SP100: variants seen among roughly 807,000 people sequenced by gnomAD.
The protein encoded by SP100 is SP100 nuclear body protein.
SP100 carries 84 observed loss-of-function variants against 130.0 expected under a neutral mutation model. That is an observed-to-expected ratio of 0.65 (90% confidence interval 0.54 to 0.77). SP100 has a LOEUF of 0.77. Among genes scored for constraint, SP100 ranks in the 30% least tolerant of loss-of-function variants. The pLI is 0.00. For synonymous variants in SP100, 331 were observed against 351.7 expected (o/e 0.94, Z 0.66); for missense variants, 978 against 1,052.2 (o/e 0.93, Z 0.97).
chr2:230,480,197 T>C lies in SP100; in HGVS notation c.1600+5750T>C, dbSNP rs568272682. On this transcript the variant is annotated intron_variant, in intron 17 of 28. Transcript: ENST00000340126. ...GCAAGGACTTTGTTTTATTCACAAC[T>C]GTATCCTCAGCATCTAGGATAGTGG... Among the ~76,000 whole-genome samples the C allele has an allele frequency of 9.8e-5, 15 of 152,348 alleles. No individual in the cohort carries two copies. In the South Asian group the frequency reaches 3.1e-3, roughly 32 times the overall value.
chr2:230,542,209 TAAC>T (rs1350052783), intron 28 of SP100, among the ~76,000 whole-genome samples, 174 bp downstream of exon 28: 2 of 152,032 alleles, frequency 1.3e-5, no homozygotes, highest in Non-Finnish European at 2.9e-5. Flanking sequence ...GTGGAGAAAA[TAAC>T]AACAAACTGG....
intron 27 of SP100, 132 bp from the exon 28 acceptor site, chr2:230,541,760 C>A: frequency 1.1e-6 from 1 of 918,392 alleles, no homozygotes; most frequent in Non-Finnish European, 1.6e-6. Flanking sequence ...AAAGGTCCCA[C>A]CTCCTAGTAC....
chr2:230,460,422 A>C (rs1029426540), intron 8 of SP100, among the ~76,000 whole-genome samples: 1 of 111,816 alleles, frequency 8.9e-6, no homozygotes, highest in Non-Finnish European at 2.1e-5. Context: ...AGGTAAAGGG[A>C]GAAAGAAAGA....
chr2:230,490,837 G>GTTTC (rs1329295594), intron 17 of SP100, among the ~76,000 whole-genome samples: 1 of 152,136 alleles, frequency 6.6e-6, no homozygotes, highest in African/African-American at 2.4e-5. Flanking sequence ...GGCTTGTAGA[G>GTTTC]TTTCTGTTGA....
intron 2 of SP100, among the ~76,000 whole-genome samples, chr2:230,434,899 C>A (rs374632829): frequency 6.6e-6 from 1 of 152,332 alleles, no homozygotes; most frequent in African/African-American, 2.4e-5. Flanking sequence ...AAGGATGTAT[C>A]ATTTCAGACC....
At chr2:230,441,459 T>C (rs2063464993) in intron 2 of SP100, among the ~76,000 whole-genome samples, 1 of 152,190 alleles carries the variant, frequency 6.6e-6, no homozygotes, top group South Asian at 2.1e-4. Flanking sequence ...CAATTTTATT[T>C]ATACTAGTCT....
chr2:230,518,227 T>A (rs541171804), intron 24 of SP100, among the ~76,000 whole-genome samples: 1 of 152,220 alleles, frequency 6.6e-6, no homozygotes, highest in South Asian at 2.1e-4. Flanking sequence ...TATTGCTCCT[T>A]ATTTTAAAAC....
At chr2:230,450,584 T>C (rs1416084555) in intron 8 of SP100, among the ~76,000 whole-genome samples, 2 of 152,202 alleles carry the variant, frequency 1.3e-5, no homozygotes, top group East Asian at 3.8e-4. Context: ...GTATTTCTCT[T>C]ATTTAACTAA....
At chr2:230,518,655 AACAGTTT>A (rs1291913667) in intron 24 of SP100, among the ~76,000 whole-genome samples, 1 of 151,992 alleles carries the variant, frequency 6.6e-6, no homozygotes, top group Admixed American at 6.5e-5. Context: ...ATTTATTTTT[AACAGTTT>A]ACCTAGATTA....
At chr2:230,475,611 C>T (rs1017380361) in intron 17 of SP100, among the ~76,000 whole-genome samples, 1 of 152,108 alleles carries the variant, frequency 6.6e-6, no homozygotes, top group Non-Finnish European at 1.5e-5. Context: ...AATTCTTTGC[C>T]AAAGCCTATG....
chr2:230,468,573 G>A (rs112743988), intron 13 of SP100, among the ~76,000 whole-genome samples: 3 of 91,686 alleles, frequency 3.3e-5, no homozygotes, highest in Admixed American at 2.0e-4. Context: ...GGGAGGCTGA[G>A]GGGCTGAGGC....
chr2:230,498,528 A>T lies in SP100; in HGVS notation c.1713A>T (p.Gln571His). The change falls in exon 19 of 29, where the codon CAA becomes CAT. Residue 571 changes from glutamine to histidine, a missense_variant. Transcript: ENST00000340126. ...ACAAAGTCCAAAAGAAAAGATGGCA[A>T]CAAAGAGGTAAAAAAAAAAAAATAC... ...LNNKVQKKRW[Q>H]QRGRKANTRP... The T allele has an allele frequency of 1.4e-6, 2 of 1,450,344 alleles. No homozygotes were observed. Among genetic ancestry groups the T allele is most frequent in the East Asian group, 2.5e-5 (1 of 39,450 alleles). 89.8% of individuals were successfully genotyped at this position (1,450,344 alleles called of 1,614,324 possible). A position where few individuals can be genotyped will look rare whatever the true frequency, so the allele number is the denominator to read the frequency against.
Position 230,504,182 on chromosome 2 carries a change from G to A in SP100, c.1766-4G>A, listed in dbSNP as rs6705605. 6.3e-7 allele frequency: 1 copy of A among 1,576,108 alleles called. No individual in the cohort carries two copies. Among genetic ancestry groups the A allele is most frequent in the Admixed American group, 1.7e-5 (1 of 59,548 alleles). On this transcript the variant is annotated splice_region_variant and splice_polypyrimidine_tract_variant and intron_variant, in intron 20 of 28. Coordinates refer to ENST00000340126, the MANE Select transcript of SP100 (RefSeq NM_001080391.2). Reference sequence around the variant, plus strand: ...GGAATGGAAAAAAAAATGCTTCCTTGCAGGTCCAAGAATTCCCAAAGATGA... The same window carrying A: ...GGAATGGAAAAAAAAATGCTTCCTTACAGGTCCAAGAATTCCCAAAGATGA...
intron 17 of SP100, among the ~76,000 whole-genome samples, chr2:230,489,010 T>C (rs1487055624): frequency 6.6e-6 from 1 of 152,216 alleles, no homozygotes; most frequent in African/African-American, 2.4e-5. Flanking sequence ...TCCTAGGTTT[T>C]GGTATCAGGA....
At chr2:230,455,407 A>T (rs2064224584) in intron 8 of SP100, among the ~76,000 whole-genome samples, 1 of 151,856 alleles carries the variant, frequency 6.6e-6, no homozygotes, top group Non-Finnish European at 1.5e-5. Context: ...TTTGATTCAA[A>T]CTGTATCTCA....
chr2:230,529,351 G>C (rs961027193), intron 24 of SP100, among the ~76,000 whole-genome samples: 2 of 152,154 alleles, frequency 1.3e-5, no homozygotes, highest in Admixed American at 6.5e-5. Context: ...AATAGATGCA[G>C]AAAAGGCCTT....
At chr2:230,541,202 A>T in intron 26 of SP100, 99 bp from the exon 27 acceptor site, 1 of 1,265,302 alleles carries the variant, frequency 7.9e-7, no homozygotes, top group Non-Finnish European at 1.1e-6. Flanking sequence ...TGTTTCAAAG[A>T]GTCCACAGGT....
chr2:230,438,676 C>T lies in SP100; in HGVS notation c.108-4261C>T, dbSNP rs185269264. Reference sequence around the variant, plus strand: ...ACACACACACACACACACACACACACACACACACACATATGGTATATATAT... The same window carrying T: ...ACACACACACACACACACACACACATACACACACACATATGGTATATATAT... On this transcript the variant is annotated intron_variant, in intron 2 of 28. Transcript: ENST00000340126. 2.3e-3 allele frequency among the ~76,000 whole-genome samples: 347 copies of T among 151,396 alleles called. 2 individuals carry two copies. The highest frequency in any genetic ancestry group is 6.8e-3 in the Middle Eastern group (2 of 292).
intron 13 of SP100, 148 bp downstream of exon 13, chr2:230,467,363 G>C (rs1014696758): frequency 3.1e-6 from 2 of 637,006 alleles, no homozygotes; most frequent in Non-Finnish European, 5.6e-6. Flanking sequence ...AAAGAAAGAA[G>C]TCACTCTAAA....
Sources: allele counts gnomAD v4.1 joint callset (sites outside exome capture counted in the v4.1 genomes callset), GRCh38; gene constraint gnomAD v4.1.1; transcripts MANE v1.5; gene names NCBI Gene and HGNC (gene_info 2026-07-23, HGNC 2026-07-21).